TCF4: variants seen among roughly 807,000 people sequenced by gnomAD.
TCF4 encodes the protein transcription factor 4.
A neutral mutation model predicts 82.1 loss-of-function variants in TCF4; 3 were observed. The observed-to-expected ratio is 0.04, with a 90% CI of 0.02 to 0.09. The LOEUF is 0.09. TCF4 is among the 10% of genes least tolerant of loss of function. The pLI, the probability that TCF4 is intolerant of heterozygous loss-of-function variation, is 1.00. For synonymous variants in TCF4, 276 were observed against 309.6 expected, an observed-to-expected ratio of 0.89 and a Z score of 1.14; for missense variants, 518 against 852.7, an observed-to-expected ratio of 0.61 and a Z score of 4.89.
At chr18:55,380,765 A>G (rs2091767852) in intron 6 of TCF4, among the ~76,000 whole-genome samples, 1 of 152,252 alleles carries the variant, frequency 6.6e-6, no homozygotes, top group South Asian at 2.1e-4. Context: ...CCAATGGTTT[A>G]ACAAACAGCC....
intron 5 of TCF4, among the ~76,000 whole-genome samples, chr18:55,437,692 C>T (rs979184370): frequency 1.4e-4 from 21 of 152,306 alleles, no homozygotes; most frequent in Middle Eastern, 3.4e-3. Context: ...GGCCTCTAAA[C>T]ACAGAATCTC....
intron 3 of TCF4, among the ~76,000 whole-genome samples, chr18:55,484,033 G>T (rs189362890): frequency 6.6e-6 from 1 of 152,244 alleles, no homozygotes; most frequent in East Asian, 1.9e-4. Flanking sequence ...AGTCCTCAAG[G>T]CAAGTTATTG....
chr18:55,455,935 A>T (rs189126361), intron 5 of TCF4, among the ~76,000 whole-genome samples: 2 of 152,334 alleles, frequency 1.3e-5, no homozygotes, highest in Non-Finnish European at 2.9e-5. Context: ...CTGTTTTACA[A>T]TGAAGAGTAA....
intron 5 of TCF4, among the ~76,000 whole-genome samples, chr18:55,432,996 G>A (rs1000800930): frequency 4.6e-5 from 7 of 152,220 alleles, no homozygotes; most frequent in Admixed American, 4.6e-4. Context: ...GATTCTTGCT[G>A]TGGTTTAGCA....
At chr18:55,397,505 C>T (rs1353860353) in intron 6 of TCF4, among the ~76,000 whole-genome samples, 4 of 151,994 alleles carry the variant, frequency 2.6e-5, no homozygotes, top group East Asian at 1.9e-4. Flanking sequence ...GGCAACATAG[C>T]GATACCCCAT....
chr18:55,267,640 C>G (rs2059489358), intron 11 of TCF4: 1 of 152,134 alleles, frequency 6.6e-6, no homozygotes, highest in Non-Finnish European at 1.5e-5. Context: ...ATATCTGTAT[C>G]TATGCATAAT....
At chr18:55,440,661 T>G (rs2095422243) in intron 5 of TCF4, among the ~76,000 whole-genome samples, 1 of 152,218 alleles carries the variant, frequency 6.6e-6, no homozygotes, top group Admixed American at 6.5e-5. Context: ...ATCGGTAATC[T>G]TTCTTCTTTT....
intron 2 of TCF4, among the ~76,000 whole-genome samples, chr18:55,622,371 G>A (rs2097722204): frequency 6.6e-6 from 1 of 151,676 alleles, no homozygotes; most frequent in Non-Finnish European, 1.5e-5. Flanking sequence ...GCTGGGCGTG[G>A]TGGTGTATGC....
chr18:55,222,422 AC>A lies in TCF4; in HGVS notation c.*5612del, dbSNP rs1169875247. ...TTTAGAAGGTAAAAGGGGGTTATCA[AC>A]CAAAATCTTTGGAAATTTCATAAAA... On this transcript the variant is annotated 3_prime_UTR_variant, in exon 20 of 20. Coordinates refer to ENST00000354452, the MANE Select transcript of TCF4 (RefSeq NM_001083962.2). 1 of 152,376 alleles carries A rather than the reference AC, an allele frequency of 6.6e-6. No individual in the cohort carries two copies. The highest frequency in any genetic ancestry group is 1.5e-5 in the Non-Finnish European group (1 of 68,024). The allele number at this position is 152,376 out of a possible 1,614,324, so 9.4% of individuals were successfully genotyped here. A position where few individuals can be genotyped will look rare whatever the true frequency, so the allele number is the denominator to read the frequency against.
At chr18:55,577,225 CGTTTATATATTTATATATGTATATACAT>C (rs2097538422) in intron 3 of TCF4, among the ~76,000 whole-genome samples, 1 of 130,296 alleles carries the variant, frequency 7.7e-6, no homozygotes. Flanking sequence ...TGTATATATA[CGTTTATATATTTATATATGTATATACAT>C]ATTTATACAT....
chr18:55,629,288 A>G (rs2097729415), intron 2 of TCF4, among the ~76,000 whole-genome samples: 1 of 152,228 alleles, frequency 6.6e-6, no homozygotes, highest in South Asian at 2.1e-4. Context: ...ATTCATACCA[A>G]TATTTATAGC....
chr18:55,562,620 A>C (rs1306130685), intron 3 of TCF4, among the ~76,000 whole-genome samples: 1 of 152,190 alleles, frequency 6.6e-6, no homozygotes, highest in Non-Finnish European at 1.5e-5. Context: ...GGTTTGGCCA[A>C]GGGCACACCC....
At chr18:55,526,468 A>G (rs531849605) in intron 3 of TCF4, among the ~76,000 whole-genome samples, 2 of 152,324 alleles carry the variant, frequency 1.3e-5, no homozygotes, top group Admixed American at 1.3e-4. Flanking sequence ...CTAAGAGTAC[A>G]TAGATAACAA....
chr18:55,232,154 G>A (rs919276949), intron 17 of TCF4: 5 of 236,848 alleles, frequency 2.1e-5, no homozygotes, highest in Admixed American at 5.2e-5. Flanking sequence ...CATCAGTTGA[G>A]TTTTTAACAT....
chr18:55,427,489 C>A (rs1024931920), intron 5 of TCF4, among the ~76,000 whole-genome samples: 5 of 152,168 alleles, frequency 3.3e-5, no homozygotes, highest in African/African-American at 1.2e-4. Context: ...GAGAGTCAAA[C>A]CGCCTGGGTT....
intron 6 of TCF4, among the ~76,000 whole-genome samples, chr18:55,398,166 G>T (rs1175009826): frequency 6.6e-6 from 1 of 152,078 alleles, no homozygotes; most frequent in Non-Finnish European, 1.5e-5. Context: ...TGAAAGAATG[G>T]ACCCATTCTC....
chr18:55,469,973 G>A (rs1411172184), intron 3 of TCF4, among the ~76,000 whole-genome samples: 1 of 152,146 alleles, frequency 6.6e-6, no homozygotes, highest in Non-Finnish European at 1.5e-5. Context: ...CAAAGTGAAG[G>A]CTGGAACCCA....
chr18:55,589,810 A>G (rs1475338122), upstream of TCF4: 14 of 1,007,826 alleles, frequency 1.4e-5, no homozygotes, highest in South Asian at 4.7e-5. Flanking sequence ...GCTTATAAAG[A>G]GAAGGAGCTG....
upstream of TCF4, chr18:55,591,055 T>C (rs1319227560): frequency 6.6e-6 from 1 of 152,200 alleles, no homozygotes; most frequent in Non-Finnish European, 1.5e-5. Flanking sequence ...TAATCTCCAT[T>C]TGCTGATAAA....
Sources: gnomAD v4.1 joint callset for allele counts (sites outside exome capture counted in the v4.1 genomes callset) on GRCh38, gnomAD v4.1.1 for gene constraint, MANE v1.5 for transcripts, NCBI Gene and HGNC (gene_info 2026-07-23, HGNC 2026-07-21) for gene names.